The following CERS6 variants were observed in gnomAD, a reference collection of about 807,000 sequenced individuals.
The protein encoded by CERS6 is LAG1 homolog, ceramide synthase 6.
A neutral mutation model predicts 56.8 loss-of-function variants in CERS6; 26 were observed. That is an observed-to-expected ratio of 0.46 (90% confidence interval 0.34 to 0.63). The LOEUF (loss-of-function observed/expected upper bound fraction) is 0.63, where lower values mean the gene tolerates loss of function less well. Ranked by LOEUF, CERS6 falls within the 30% of genes least tolerant of loss-of-function variation. CERS6 has a pLI of 0.01. For missense variants in CERS6, 415 were observed against 467.5 expected, an observed-to-expected ratio of 0.89 and a Z score of 1.04; for synonymous variants, 164 against 173.3, an observed-to-expected ratio of 0.95 and a Z score of 0.42.
intron 8 of CERS6, among the ~76,000 whole-genome samples, chr2:168,758,324 C>CGTCACTGACATTCTGTAGCACTCCTTAAA (rs1684471813): frequency 6.6e-6 from 1 of 152,176 alleles, no homozygotes; most frequent in Non-Finnish European, 1.5e-5. Context: ...TTCAAGGTAT[C>CGTCACTGACATTCTGTAGCACTCCTTAAA]GTCACTGACA....
intron 1 of CERS6, among the ~76,000 whole-genome samples, chr2:168,488,140 T>C (rs1322377428): frequency 1.3e-5 from 2 of 151,728 alleles, no homozygotes; most frequent in African/African-American, 2.4e-5. Flanking sequence ...ATATTTTGCT[T>C]TTGTTTTTAA....
rs146704218 is a variant in CERS6 at position 168,538,283 on chromosome 2, A to G, written c.171-9313A>G. On this transcript the variant is annotated intron_variant, in intron 1 of 9. Coordinates refer to ENST00000305747, the MANE Select transcript of CERS6 (RefSeq NM_203463.3). ...AAGTCCCTAAAATGGCCTAGAAGGCACTGTGTGTGGCTGCCTGCTGCTCTC... is the reference window on the plus strand; with the variant it reads ...AAGTCCCTAAAATGGCCTAGAAGGCGCTGTGTGTGGCTGCCTGCTGCTCTC... 5.7e-4 allele frequency among the ~76,000 whole-genome samples: 85 copies of G among 149,592 alleles called. 1 individual carries two copies. Among genetic ancestry groups the G allele is most frequent in the African/African-American group, 2.0e-3 (83 of 40,780 alleles).
chr2:168,757,370 A>C (rs1684445910), intron 8 of CERS6, among the ~76,000 whole-genome samples: 1 of 151,662 alleles, frequency 6.6e-6, no homozygotes, highest in Non-Finnish European at 1.5e-5. Flanking sequence ...AAAAAAAAAA[A>C]AAAACATCTG....
chr2:168,544,886 G>C (rs1432347059), intron 1 of CERS6, among the ~76,000 whole-genome samples: 1 of 151,850 alleles, frequency 6.6e-6, no homozygotes, highest in Non-Finnish European at 1.5e-5. Flanking sequence ...CCTGACATCT[G>C]GTCTCTTTTT....
intron 8 of CERS6, among the ~76,000 whole-genome samples, chr2:168,756,176 C>T (rs1268615024): frequency 6.6e-6 from 1 of 152,150 alleles, no homozygotes; most frequent in Non-Finnish European, 1.5e-5. Context: ...GGATGGGAGG[C>T]TGGTTTTATA....
At chr2:168,667,857 G>A (rs1482056383) in intron 4 of CERS6, among the ~76,000 whole-genome samples, 12 of 152,186 alleles carry the variant, frequency 7.9e-5, no homozygotes, top group Admixed American at 7.2e-4. Context: ...AAGTAAAATG[G>A]ATACATATTG....
At position 168,670,976 on chromosome 2, in the gene CERS6, C is replaced by CCCCG. The variant is rs1553506493; in HGVS notation, c.466-20055_466-20054insGCCC. Among the ~76,000 whole-genome samples, 7 of 75,940 alleles carry CCCCG rather than the reference C, an allele frequency of 9.2e-5. No homozygotes were observed. The East Asian group carries it at 1.1e-3, about 12-fold the overall frequency. The allele number at this position is 75,940 out of a possible 152,430, so 49.8% of individuals were successfully genotyped here. A position where few individuals can be genotyped will look rare whatever the true frequency, so the allele number is the denominator to read the frequency against. ...TGCTGGATACATGCTTCCCCCCCCC[C>CCCCG]CCCCAGACGGAAGCTTGCTCTGTTG... On this transcript the variant is annotated intron_variant, in intron 4 of 9. Transcript: ENST00000305747.
chr2:168,746,740 G>A (rs1192209123), intron 8 of CERS6, among the ~76,000 whole-genome samples: 1 of 122,316 alleles, frequency 8.2e-6, no homozygotes, highest in Non-Finnish European at 1.6e-5. Flanking sequence ...TTGAACACAA[G>A]TAGCTATTTC....
intron 8 of CERS6, among the ~76,000 whole-genome samples, chr2:168,728,822 A>G (rs970337906): frequency 1.3e-5 from 2 of 150,668 alleles, no homozygotes; most frequent in Non-Finnish European, 3.0e-5. Context: ...CCTGGCCAAC[A>G]TGGTGAAACC....
chr2:168,686,463 A>AAC (rs1686356023), intron 4 of CERS6, among the ~76,000 whole-genome samples: 2 of 151,376 alleles, frequency 1.3e-5, no homozygotes, highest in Admixed American at 1.3e-4. Context: ...AAAAAAAAAA[A>AAC]AAATTAAGGA....
At chr2:168,655,442 A>G (rs79595569) in intron 4 of CERS6, among the ~76,000 whole-genome samples, 263 of 152,370 alleles carry the variant, frequency 1.7e-3, no homozygotes, top group Middle Eastern at 3.4e-3. Flanking sequence ...TTCTCCTTGC[A>G]GTATTATTTA....
intron 3 of CERS6, among the ~76,000 whole-genome samples, chr2:168,598,965 C>G (rs1362999601): frequency 6.6e-6 from 1 of 152,202 alleles, no homozygotes; most frequent in Non-Finnish European, 1.5e-5. Flanking sequence ...GGAGAGGAAG[C>G]AGGCTGTGGT....
chr2:168,715,658 A>C (rs879100639), intron 7 of CERS6, among the ~76,000 whole-genome samples: 1 of 152,150 alleles, frequency 6.6e-6, no homozygotes, highest in African/African-American at 2.4e-5. Context: ...TATTGGTTAC[A>C]TATGAATTGG....
chr2:168,724,654 T>C (rs1240537108), intron 8 of CERS6, among the ~76,000 whole-genome samples: 1 of 151,702 alleles, frequency 6.6e-6, no homozygotes, highest in Admixed American at 6.6e-5. Flanking sequence ...CCCACCAGAG[T>C]AGCTAGATAC....
At chr2:168,760,129 C>T (rs531829580) in intron 8 of CERS6, among the ~76,000 whole-genome samples, 69 of 152,264 alleles carry the variant, frequency 4.5e-4, no homozygotes, top group Admixed American at 1.4e-3. Context: ...AAGACAACCA[C>T]TGTATTAGTC....
chr2:168,690,234 A>G (rs1251379423), intron 4 of CERS6, among the ~76,000 whole-genome samples: 1 of 152,186 alleles, frequency 6.6e-6, no homozygotes, highest in Non-Finnish European at 1.5e-5. Flanking sequence ...GATGTATATC[A>G]GAAAGTGCTG....
Position 168,773,752 on chromosome 2 carries a change from T to C in CERS6, c.*4090T>C, listed in dbSNP as rs764928081. 2.6e-5 allele frequency: 4 copies of C among 152,224 alleles called. No homozygotes were observed. The highest frequency in any genetic ancestry group is 5.9e-5 in the Non-Finnish European group (4 of 68,046). 9.4% of individuals were successfully genotyped at this position (152,224 alleles called of 1,614,324 possible). ...TTTTGGTAAAATGAAATTGTGCCAT[T>C]GTCAAAGTACCCCGTAGTGATGAGC... On this transcript the variant is annotated 3_prime_UTR_variant, in exon 10 of 10. Coordinates refer to ENST00000305747, the MANE Select transcript of CERS6 (RefSeq NM_203463.3).
At chr2:168,631,576 T>TATATTTAATATTTAAATATTAAATATATA (rs1574113723) in intron 4 of CERS6, among the ~76,000 whole-genome samples, 1 of 66,628 alleles carries the variant, frequency 1.5e-5, no homozygotes. Flanking sequence ...TTAAATATAA[T>TATATTTAATATTTAAATATTAAATATATA]ATATATTTAA....
intron 1 of CERS6, among the ~76,000 whole-genome samples, chr2:168,512,519 T>C (rs1437293364): frequency 6.6e-6 from 1 of 152,114 alleles, no homozygotes; most frequent in African/African-American, 2.4e-5. Flanking sequence ...ATTTCAGTCA[T>C]CATAATCTTT....
Sources: allele counts gnomAD v4.1 joint callset (sites outside exome capture counted in the v4.1 genomes callset), GRCh38; gene constraint gnomAD v4.1.1; transcripts MANE v1.5; gene names NCBI Gene and HGNC (gene_info 2026-07-23, HGNC 2026-07-21).